TMEM132C: variants seen among roughly 807,000 people sequenced by gnomAD.
The protein encoded by TMEM132C is protein phosphatase 1, regulatory subunit 152.
In TMEM132C, 29 loss-of-function variants were observed where a neutral mutation model predicts 61.4. The observed-to-expected ratio is 0.47, with a 90% CI of 0.35 to 0.64. The LOEUF (loss-of-function observed/expected upper bound fraction) is 0.64, where lower values mean the gene tolerates loss of function less well. Ranked by LOEUF, TMEM132C falls within the 30% of genes least tolerant of loss-of-function variation. The pLI is 0.00. For missense variants in TMEM132C, 1,408 were observed against 1,476.9 expected, an observed-to-expected ratio of 0.95 and a Z score of 0.76; for synonymous variants, 656 against 633.1, an observed-to-expected ratio of 1.04 and a Z score of -0.54.
At chr12:128,686,083 G>T (rs1445645040) in intron 5 of TMEM132C, among the ~76,000 whole-genome samples, 1 of 150,854 alleles carries the variant, frequency 6.6e-6, no homozygotes, top group Non-Finnish European at 1.5e-5. Context: ...GTGTGCGCAT[G>T]TGTGTTGTGT....
chr12:128,490,245 T>A (rs1358309355), intron 2 of TMEM132C, among the ~76,000 whole-genome samples: 1 of 152,154 alleles, frequency 6.6e-6, no homozygotes, highest in Non-Finnish European at 1.5e-5. Flanking sequence ...AGAACCAGCT[T>A]TGGTCATGGA....
intron 5 of TMEM132C, among the ~76,000 whole-genome samples, chr12:128,682,177 C>T (rs1161668341): frequency 6.6e-6 from 1 of 152,084 alleles, no homozygotes; most frequent in East Asian, 1.9e-4. Context: ...TGGCTGGAGG[C>T]GGAGCTTCAG....
intron 2 of TMEM132C, among the ~76,000 whole-genome samples, chr12:128,416,079 G>A (rs1379205799): frequency 6.6e-6 from 1 of 152,010 alleles, no homozygotes; most frequent in South Asian, 2.1e-4. Context: ...TTTTTAATTA[G>A]GTGGTGTTAA....
At chr12:128,661,256 AC>A (rs963069178) in intron 4 of TMEM132C, among the ~76,000 whole-genome samples, 15 of 152,216 alleles carry the variant, frequency 9.9e-5, no homozygotes, top group African/African-American at 3.6e-4. Flanking sequence ...GATCAGGCCC[AC>A]CCAGATTATG....
At chr12:128,534,335 CT>C (rs1471747801) in intron 2 of TMEM132C, among the ~76,000 whole-genome samples, 4 of 152,218 alleles carry the variant, frequency 2.6e-5, no homozygotes, top group Non-Finnish European at 4.4e-5. Context: ...AAGTCCAGCC[CT>C]TGCCTGAGTC....
intron 2 of TMEM132C, among the ~76,000 whole-genome samples, chr12:128,437,335 A>G (rs1159183096): frequency 1.3e-5 from 2 of 152,222 alleles, no homozygotes; most frequent in Non-Finnish European, 2.9e-5. Flanking sequence ...TATAAATATA[A>G]GGACATTAAT....
intron 1 of TMEM132C, among the ~76,000 whole-genome samples, chr12:128,319,414 A>G (rs1373043766): frequency 6.6e-6 from 1 of 151,674 alleles, no homozygotes; most frequent in Non-Finnish European, 1.5e-5. Context: ...TGTTGGGCCA[A>G]GTGCGGTTCA....
chr12:128,297,169 G>T (rs1001330394), intron 1 of TMEM132C, among the ~76,000 whole-genome samples: 1 of 152,154 alleles, frequency 6.6e-6, no homozygotes, highest in Non-Finnish European at 1.5e-5. Context: ...TTTTCAGTTG[G>T]TGCTGGCTTG....
At chr12:128,494,846 C>G (rs1487352237) in intron 2 of TMEM132C, among the ~76,000 whole-genome samples, 1 of 151,844 alleles carries the variant, frequency 6.6e-6, no homozygotes, top group Non-Finnish European at 1.5e-5. Context: ...CTATCTCCTT[C>G]AGTTCTTCTC....
At chr12:128,418,991 A>G (rs1868880992) in intron 2 of TMEM132C, among the ~76,000 whole-genome samples, 2 of 152,136 alleles carry the variant, frequency 1.3e-5, no homozygotes, top group South Asian at 4.1e-4. Flanking sequence ...GTGTTTCTGT[A>G]TCATCAATGC....
chr12:128,445,764 A>T (rs1032998809), intron 2 of TMEM132C, among the ~76,000 whole-genome samples: 4 of 152,266 alleles, frequency 2.6e-5, no homozygotes, highest in African/African-American at 9.6e-5. Context: ...GGGGAATAAG[A>T]GTAACTGTCC....
At chr12:128,631,816 C>A (rs148159777) in intron 4 of TMEM132C, among the ~76,000 whole-genome samples, 1 of 152,292 alleles carries the variant, frequency 6.6e-6, no homozygotes, top group African/African-American at 2.4e-5. Flanking sequence ...AATTTCTCAT[C>A]CCCAGTAAAA....
chr12:128,550,320 C>T (rs1382889355), intron 3 of TMEM132C, among the ~76,000 whole-genome samples: 24 of 142,888 alleles, frequency 1.7e-4, no homozygotes, highest in Non-Finnish European at 2.7e-4. Context: ...TTTTTTTTTT[C>T]GAGACAGGGT....
chr12:128,656,803 C>G (rs1163998488), intron 4 of TMEM132C, among the ~76,000 whole-genome samples: 1 of 152,226 alleles, frequency 6.6e-6, no homozygotes, highest in African/African-American at 2.4e-5. Context: ...CCCAACCCAC[C>G]TCCCAAAGCA....
chr12:128,630,644 G>A lies in TMEM132C; in HGVS notation c.1305+14309G>A, dbSNP rs1160161964. Among the ~76,000 whole-genome samples, 1 of 152,124 alleles carries A rather than the reference G, an allele frequency of 6.6e-6. No individual in the cohort carries two copies. Among genetic ancestry groups the A allele is most frequent in the Non-Finnish European group, 1.5e-5 (1 of 68,026 alleles). ...TGGGCGGTCATGCCCAGAGGCTCGGGAACTTGGCTGTGTCCACTCCCTAGT... is the reference window on the plus strand; with the variant it reads ...TGGGCGGTCATGCCCAGAGGCTCGGAAACTTGGCTGTGTCCACTCCCTAGT... On this transcript the variant is annotated intron_variant, in intron 4 of 8. Coordinates refer to ENST00000435159, the MANE Select transcript of TMEM132C (RefSeq NM_001136103.3). This position sits in a 1 kb window ranked among gnomAD's most constrained non-coding sequence, Gnocchi z 4.3.
At chr12:128,615,536 C>A (rs147090440) in intron 3 of TMEM132C, among the ~76,000 whole-genome samples, 1 of 152,114 alleles carries the variant, frequency 6.6e-6, no homozygotes, top group Middle Eastern at 3.2e-3. Context: ...TTTCATAAGG[C>A]GCACACAACC....
chr12:128,636,441 G>A (rs1954104305), intron 4 of TMEM132C, among the ~76,000 whole-genome samples: 1 of 152,086 alleles, frequency 6.6e-6, no homozygotes, highest in South Asian at 2.1e-4. Context: ...TCATCAATTT[G>A]GACATGCACA....
rs1954846235 is a variant in TMEM132C at position 128,706,979 on chromosome 12, T to C, written c.*684T>C. 1 of 152,276 alleles carries C rather than the reference T, an allele frequency of 6.6e-6. No homozygotes were observed. Among genetic ancestry groups the C allele is most frequent in the Non-Finnish European group, 1.5e-5 (1 of 68,046 alleles). 9.4% of individuals were successfully genotyped at this position (152,276 alleles called of 1,614,324 possible). On this transcript the variant is annotated 3_prime_UTR_variant, in exon 9 of 9. Transcript: ENST00000435159. ...TTTTTCCTAAATGAAACATAAATTA[T>C]ATTCCTATTCATTAGATAGGTTCCT...
At chr12:128,349,173 T>C (rs1206279235) in intron 1 of TMEM132C, among the ~76,000 whole-genome samples, 1 of 152,144 alleles carries the variant, frequency 6.6e-6, no homozygotes. Flanking sequence ...CCAGCTGATT[T>C]TTGTATTTTT....
Sources: allele counts gnomAD v4.1 joint callset (sites outside exome capture counted in the v4.1 genomes callset), GRCh38; gene constraint gnomAD v4.1.1; non-coding constraint Gnocchi (gnomAD v3.1); transcripts MANE v1.5; gene names NCBI Gene and HGNC (gene_info 2026-07-23, HGNC 2026-07-21).